Variants in SPTB observed in about 807,000 individuals in gnomAD.
SPTB encodes spectrin beta chain, erythrocytic.
SPTB carries 45 observed loss-of-function variants against 256.2 expected under a neutral mutation model. That is an observed-to-expected ratio of 0.18 (90% CI 0.14 to 0.23). SPTB has a LOEUF of 0.23. Among genes scored for constraint, SPTB ranks in the 10% least tolerant of loss-of-function variants. The pLI is 1.00. For missense variants in SPTB, 2,715 were observed against 3,040.4 expected (o/e 0.89, Z 2.52); for synonymous variants, 1,231 against 1,243.1 (o/e 0.99, Z 0.21).
In SPTB at chr14:64,802,912, T is replaced by C. The variant is rs2082914089; in HGVS notation, c.475-595A>G. On this transcript the variant is annotated intron_variant, in intron 4 of 35. Coordinates refer to ENST00000644917, the MANE Select transcript of SPTB (RefSeq NM_001355436.2). The surrounding 1 kb of genome is among the most constrained non-coding windows in gnomAD (Gnocchi z 5.1). ...TGCCCCTTGAGGCTGTGGAACAACA[T>C]GAATGCTGATGAGTACTATACTTTC... Among the ~76,000 whole-genome samples, 1 of 152,202 alleles carries C rather than the reference T, an allele frequency of 6.6e-6. No individual in the cohort carries two copies. The highest frequency in any genetic ancestry group is 1.5e-5 in the Non-Finnish European group (1 of 68,026).
At chr14:64,818,306 C>A (rs185890382) in intron 2 of SPTB, among the ~76,000 whole-genome samples, 25 of 152,290 alleles carry the variant, frequency 1.6e-4, no homozygotes, top group African/African-American at 5.1e-4. Flanking sequence ...CCCTGCACTG[C>A]GAGATGCCTC....
intron 30 of SPTB, 103 bp from the exon 31 acceptor site, chr14:64,767,455 C>T: frequency 1.3e-6 from 2 of 1,513,110 alleles, no homozygotes; most frequent in East Asian, 2.2e-5. Context: ...CATGCCCTGA[C>T]ACTTGTTCCT....
chr14:64,753,956 T>C (rs891667571), intron 32 of SPTB, 163 bp from the exon 33 acceptor site: 2 of 871,478 alleles, frequency 2.3e-6, no homozygotes, highest in Admixed American at 2.0e-5. Context: ...CACAACCTGC[T>C]ATGGGTGCCC....
intron 2 of SPTB, among the ~76,000 whole-genome samples, chr14:64,813,816 A>C (rs1033231024): frequency 6.6e-5 from 10 of 152,238 alleles, no homozygotes; most frequent in Non-Finnish European, 1.3e-4. Flanking sequence ...GTGAGCCACC[A>C]TGCCTGGCCA....
rs944059924 is a variant in SPTB at position 64,785,400 on chromosome 14, A to G, written c.3855+137T>C. On this transcript the variant is annotated intron_variant, in intron 18 of 35. Coordinates refer to ENST00000644917, the MANE Select transcript of SPTB (RefSeq NM_001355436.2). The surrounding 1 kb of genome is among the most constrained non-coding windows in gnomAD (Gnocchi z 4.4). ...AAGATTCCAGAGAATGACCCAATTA[A>G]GTACCCAGAGGTCCCCGCTCATGGA... 1.3e-5 allele frequency: 10 copies of G among 748,584 alleles called. No homozygotes were observed. Among genetic ancestry groups the G allele is most frequent in the Non-Finnish European group, 2.3e-5 (10 of 440,574 alleles). 46.4% of individuals were successfully genotyped at this position (748,584 alleles called of 1,614,324 possible). A position where few individuals can be genotyped will look rare whatever the true frequency, so the allele number is the denominator to read the frequency against.
rs1251793332 is a variant in SPTB, at chr14:64,779,702, G to C, written c.4473+23C>G. On this transcript the variant is annotated intron_variant, in intron 21 of 35. Coordinates refer to ENST00000644917, the MANE Select transcript of SPTB (RefSeq NM_001355436.2). The surrounding 1 kb of genome is among the most constrained non-coding windows in gnomAD (Gnocchi z 4.2). ...GCTGGTGGCTCAGCCTCAGGAGGTA[G>C]GGAGAAGCTGTGGCCCACGCACCGT... 6.2e-7 allele frequency: 1 copy of C among 1,613,858 alleles called. No homozygotes were observed. The highest frequency in any genetic ancestry group is 8.5e-7 in the Non-Finnish European group (1 of 1,179,862).
chr14:64,802,193 T>C lies in SPTB; in HGVS notation c.566+33A>G, dbSNP rs762989646. On this transcript the variant is annotated intron_variant, in intron 5 of 35. Transcript: ENST00000644917. This position sits in a 1 kb window ranked among gnomAD's most constrained non-coding sequence, Gnocchi z 5.1. The stretch of plus-strand genomic sequence containing the variant: ...CTTGTGCGGAGCAAGGGGCTGGTGG[T>C]GGATGTGCTAACAGCTGGTTCCCAG... 2 of 1,599,866 alleles carry C rather than the reference T, an allele frequency of 1.3e-6. No individual in the cohort carries two copies. The highest frequency in any genetic ancestry group is 1.7e-6 in the Non-Finnish European group (2 of 1,167,048).
At chr14:64,799,111 GTGTA>G (rs2082833257) in intron 9 of SPTB, among the ~76,000 whole-genome samples, 3 of 151,400 alleles carry the variant, frequency 2.0e-5, no homozygotes, top group Non-Finnish European at 4.4e-5. Context: ...ACGGTTGTGT[GTGTA>G]TGTTTGTGTG....
chr14:64,814,258 A>G lies in SPTB; in HGVS notation c.148+8689T>C, dbSNP rs568043483. Reference sequence around the variant, plus strand: ...AGGGAGACAATATAGCCATTAAAATAATTTGCATGTTTGCTGACATGAAAA... The same window carrying G: ...AGGGAGACAATATAGCCATTAAAATGATTTGCATGTTTGCTGACATGAAAA... On this transcript the variant is annotated intron_variant, in intron 2 of 35. Coordinates refer to ENST00000644917, the MANE Select transcript of SPTB (RefSeq NM_001355436.2). Among the ~76,000 whole-genome samples the G allele has an allele frequency of 1.2e-3, 184 of 152,322 alleles. 1 individual carries two copies. Among genetic ancestry groups the G allele is most frequent in the South Asian group, 4.4e-3 (21 of 4,826 alleles).
chr14:64,786,905 C>T lies in SPTB; in HGVS notation c.3060G>A (p.Gln1020=). The T allele has an allele frequency of 6.2e-7, 1 of 1,613,124 alleles. No individual in the cohort carries two copies. The highest frequency in any genetic ancestry group is 8.5e-7 in the Non-Finnish European group (1 of 1,180,032). Residue 1020 remains glutamine, a synonymous_variant, in exon 16 of 36, where the codon CAG becomes CAA. Coordinates refer to ENST00000644917, the MANE Select transcript of SPTB (RefSeq NM_001355436.2). The surrounding 1 kb of genome is among the most constrained non-coding windows in gnomAD (Gnocchi z 5.6). ...TCTGCTCAGGGTGCGAGTCCATCAG[C>T]TGCTGGGACTCACGCTCCAGGGCAT... ...RVDALERESQ[Q]LMDSHPEQKE... is the part of the protein sequence containing the mutation.
At position 64,822,891 on chromosome 14, in the gene SPTB, C is replaced by T. The variant is rs77755815; in HGVS notation, c.148+56G>A. Reference sequence around the variant, plus strand: ...GAGGATTCACACTAGGTGGGGAGGGCTGTGAACCTTGTGACTGTGAGAATG... The same window carrying T: ...GAGGATTCACACTAGGTGGGGAGGGTTGTGAACCTTGTGACTGTGAGAATG... On this transcript the variant is annotated intron_variant, in intron 2 of 35. Coordinates refer to ENST00000644917, the MANE Select transcript of SPTB (RefSeq NM_001355436.2). 2,838 of 1,608,920 alleles carry T rather than the reference C, an allele frequency of 1.8e-3. 47 individuals are homozygous for T. The African/African-American group carries it at 0.032, about 18-fold the overall frequency.
intron 19 of SPTB, 70 bp from the exon 20 acceptor site, chr14:64,782,623 G>A: frequency 1.2e-6 from 2 of 1,603,304 alleles, no homozygotes; most frequent in Non-Finnish European, 1.7e-6. Flanking sequence ...GCTCCTGATG[G>A]TTGCAAGAGG....
At position 64,779,581 on chromosome 14, in the gene SPTB, G is replaced by T; in HGVS notation, c.4473+144C>A. 1.2e-6 allele frequency: 1 copy of T among 868,712 alleles called. No homozygotes were observed. The highest frequency in any genetic ancestry group is 1.9e-6 in the Non-Finnish European group (1 of 517,842). The allele number at this position is 868,712 out of a possible 1,614,324, so 53.8% of individuals were successfully genotyped here. A position where few individuals can be genotyped will look rare whatever the true frequency, so the allele number is the denominator to read the frequency against. On this transcript the variant is annotated intron_variant, in intron 21 of 35. Transcript: ENST00000644917. The surrounding 1 kb of genome is among the most constrained non-coding windows in gnomAD (Gnocchi z 4.2). The stretch of plus-strand genomic sequence containing the variant: ...CACTGGCTTGAGCTTTCCATTTAAT[G>T]TAATCCTCACAAGAACCCTATGAGA...
At position 64,844,696 on chromosome 14, in the gene SPTB, G is replaced by A. The variant is rs913619090; in HGVS notation, c.-51-21551C>T. 1.3e-5 allele frequency among the ~76,000 whole-genome samples: 2 copies of A among 152,102 alleles called. 1 individual carries two copies. The highest frequency in any genetic ancestry group is 4.1e-4 in the South Asian group (2 of 4,826). Reference sequence around the variant, plus strand: ...TAATTGAAAAGTAACATGAAGAAGAGGCTATGACTTCCCAAAAACACCTAC... The same window carrying A: ...TAATTGAAAAGTAACATGAAGAAGAAGCTATGACTTCCCAAAAACACCTAC... On this transcript the variant is annotated intron_variant, in intron 1 of 35. Coordinates refer to ENST00000644917, the MANE Select transcript of SPTB (RefSeq NM_001355436.2). This position sits in a 1 kb window ranked among gnomAD's most constrained non-coding sequence, Gnocchi z 4.1.
rs17826099 is a variant in SPTB at position 64,783,084 on chromosome 14, C to T, written c.4003-531G>A. ...GTTCCTGAGGTTGTGCACTAACCTT[C>T]GCTGACCTCCTTCGGTTACTGAGGT... On this transcript the variant is annotated intron_variant, in intron 19 of 35. Transcript: ENST00000644917. 3.3e-3 allele frequency among the ~76,000 whole-genome samples: 503 copies of T among 152,298 alleles called. 23 individuals carry two copies. In the East Asian group the frequency reaches 0.091, roughly 28 times the overall value.
intron 1 of SPTB, among the ~76,000 whole-genome samples, chr14:64,834,021 T>A (rs186131019): frequency 2.0e-5 from 3 of 152,016 alleles, no homozygotes; most frequent in Non-Finnish European, 4.4e-5. Flanking sequence ...CCACACATTG[T>A]TTTTTGTTTT....
intron 27 of SPTB, 151 bp from the exon 28 acceptor site, chr14:64,769,879 G>T: frequency 2.0e-6 from 2 of 993,986 alleles, no homozygotes; most frequent in Non-Finnish European, 3.1e-6. Flanking sequence ...TCCTCCGCCA[G>T]CCCAGCCCCA....
chr14:64,782,257 C>T (rs370221009), intron 20 of SPTB, 33 bp downstream of exon 20: 2 of 1,613,960 alleles, frequency 1.2e-6, no homozygotes, highest in African/African-American at 1.3e-5. Context: ...CCCTTCTATC[C>T]TAACACTCTG....
rs1440302694 is a variant in SPTB at position 64,758,918 on chromosome 14, G to A, written c.6346-5125C>T. Among the ~76,000 whole-genome samples, 1 of 152,020 alleles carries A rather than the reference G, an allele frequency of 6.6e-6. No individual in the cohort carries two copies. The highest frequency in any genetic ancestry group is 1.5e-5 in the Non-Finnish European group (1 of 67,986). On this transcript the variant is annotated intron_variant, in intron 32 of 35. Transcript: ENST00000644917. This position sits in a 1 kb window ranked among gnomAD's most constrained non-coding sequence, Gnocchi z 4.6. ...TTTATTTCTAGCCATGCCTCTGGGA[G>A]GGGTATGTAGGTAGAATCAACAATG... is the stretch of plus-strand genomic sequence containing the variant.
Sources: gnomAD v4.1 joint callset for allele counts (sites outside exome capture counted in the v4.1 genomes callset) on GRCh38, gnomAD v4.1.1 for gene constraint, Gnocchi (gnomAD v3.1) non-coding constraint, MANE v1.5 for transcripts, NCBI Gene and HGNC (gene_info 2026-07-23, HGNC 2026-07-21) for gene names.